LYPLAL1: variants seen among roughly 807,000 people sequenced by gnomAD.
LYPLAL1 encodes the protein lysophospholipase like 1.
LYPLAL1 carries 23 observed loss-of-function variants against 19.7 expected under a neutral mutation model. That is an observed-to-expected ratio of 1.17 (90% confidence interval 0.84 to 1.65). The LOEUF (loss-of-function observed/expected upper bound fraction) is 1.65, where lower values mean the gene tolerates loss of function less well. Among genes scored for constraint, LYPLAL1 ranks in the 40% most tolerant of loss-of-function variants. The pLI is 0.00. For missense variants in LYPLAL1, 355 were observed against 279.4 expected (o/e 1.27, Z -1.93); for synonymous variants, 119 against 96.3 (o/e 1.24, Z -1.38).
chr1:219,277,362 G>A, the LYPLAL1 span, among the ~76,000 whole-genome samples: 1 of 152,106 alleles, frequency 6.6e-6, no homozygotes, highest in African/African-American at 2.4e-5. Context: ...TTGTAAATGG[G>A]GTGTAGCTGA....
At chr1:219,276,180 A>G in the LYPLAL1 span, among the ~76,000 whole-genome samples, 1 of 152,198 alleles carries the variant, frequency 6.6e-6, no homozygotes, top group Non-Finnish European at 1.5e-5. Context: ...ACTTGAAGAA[A>G]AAAAAACATT....
chr1:219,428,933 A>C, the LYPLAL1 span, among the ~76,000 whole-genome samples: 1,790 of 103,772 alleles, frequency 0.017, 33 homozygotes, highest in African/African-American at 0.07. Context: ...CTGTGTAAAA[A>C]TTGTGTGTGC....
chr1:219,426,988 T>C, the LYPLAL1 span, among the ~76,000 whole-genome samples: 1 of 152,250 alleles, frequency 6.6e-6, no homozygotes, highest in South Asian at 2.1e-4. Context: ...GGAACAAAAC[T>C]GTGAATCAGA....
chr1:219,382,511 C>T, the LYPLAL1 span, among the ~76,000 whole-genome samples: 5 of 152,252 alleles, frequency 3.3e-5, no homozygotes, highest in African/African-American at 1.2e-4. Flanking sequence ...AGGCGCCCAC[C>T]ACTGCGCCCG....
chr1:219,387,044 A>C, the LYPLAL1 span, among the ~76,000 whole-genome samples: 1 of 152,134 alleles, frequency 6.6e-6, no homozygotes, highest in African/African-American at 2.4e-5. Flanking sequence ...TGTTATGATA[A>C]ATTTCCATAT....
chr1:219,263,040 G>T, the LYPLAL1 span, among the ~76,000 whole-genome samples: 1 of 152,134 alleles, frequency 6.6e-6, no homozygotes, highest in Non-Finnish European at 1.5e-5. Flanking sequence ...CCCTAAGTTG[G>T]ACAGGATAAG....
chr1:219,269,865 G>T, the LYPLAL1 span, among the ~76,000 whole-genome samples: 2 of 152,076 alleles, frequency 1.3e-5, no homozygotes, highest in African/African-American at 4.8e-5. Context: ...ATTTTACGTT[G>T]AAGAATGAAG....
the LYPLAL1 span, among the ~76,000 whole-genome samples, chr1:219,395,083 A>C: frequency 6.6e-6 from 1 of 152,222 alleles, no homozygotes; most frequent in Non-Finnish European, 1.5e-5. Flanking sequence ...TGCAGTGAAC[A>C]TATGTGTGCA....
intron 2 of LYPLAL1, among the ~76,000 whole-genome samples, chr1:219,190,694 A>G (rs1657105976): frequency 6.6e-6 from 1 of 150,998 alleles, no homozygotes; most frequent in South Asian, 2.1e-4. Flanking sequence ...ACTTGGAAGA[A>G]AATACCTGAA....
the LYPLAL1 span, among the ~76,000 whole-genome samples, chr1:219,320,803 G>A: frequency 1.3e-5 from 2 of 152,180 alleles, no homozygotes; most frequent in Non-Finnish European, 2.9e-5. Context: ...GTATTCCATT[G>A]TGTATATGTG....
the LYPLAL1 span, among the ~76,000 whole-genome samples, chr1:219,229,558 T>C: frequency 1.3e-5 from 2 of 152,198 alleles, no homozygotes; most frequent in Non-Finnish European, 2.9e-5. Flanking sequence ...TACAGAAATC[T>C]CTCTGTCCTA....
At chr1:219,350,383 G>A in the LYPLAL1 span, among the ~76,000 whole-genome samples, 1 of 152,132 alleles carries the variant, frequency 6.6e-6, no homozygotes, top group Admixed American at 6.5e-5. Flanking sequence ...TAATATCCGT[G>A]TAATGATGGG....
the LYPLAL1 span, among the ~76,000 whole-genome samples, chr1:219,221,130 T>G: frequency 6.6e-6 from 1 of 152,200 alleles, no homozygotes; most frequent in Non-Finnish European, 1.5e-5. Flanking sequence ...GCCAGAGCTG[T>G]GAGAACAGCC....
At chr1:219,319,448 A>G in the LYPLAL1 span, among the ~76,000 whole-genome samples, 1 of 152,152 alleles carries the variant, frequency 6.6e-6, no homozygotes, top group Non-Finnish European at 1.5e-5. Flanking sequence ...TGGAAATGCT[A>G]AAAGAAGCAC....
the LYPLAL1 span, among the ~76,000 whole-genome samples, chr1:219,351,254 C>G: frequency 1.3e-5 from 2 of 151,944 alleles, no homozygotes; most frequent in Admixed American, 6.6e-5. Flanking sequence ...CTCTCAGGAC[C>G]TTTTCATTTG....
chr1:219,359,233 C>T, the LYPLAL1 span, among the ~76,000 whole-genome samples: 1 of 152,112 alleles, frequency 6.6e-6, no homozygotes, highest in Non-Finnish European at 1.5e-5. Flanking sequence ...GTGTCACAGA[C>T]CATTTTAAAG....
the LYPLAL1 span, among the ~76,000 whole-genome samples, chr1:219,401,638 C>A: frequency 2.6e-5 from 4 of 151,928 alleles, no homozygotes; most frequent in South Asian, 6.2e-4. Flanking sequence ...AAATTCATAG[C>A]TTTTCAAACT....
chr1:219,209,630 T>C (rs1239340383), intron 3 of LYPLAL1, among the ~76,000 whole-genome samples: 2 of 152,162 alleles, frequency 1.3e-5, no homozygotes, highest in African/African-American at 2.4e-5. Context: ...TCTATGAGTG[T>C]GTGGCTACAT....
intron 3 of LYPLAL1, 83 bp from the exon 4 acceptor site, chr1:219,210,449 T>A: frequency 1.0e-6 from 1 of 992,010 alleles, no homozygotes; most frequent in South Asian, 1.8e-5. Context: ...TCCAGATATT[T>A]TAAAAATATG....
Sources: gnomAD v4.1 joint callset for allele counts (sites outside exome capture counted in the v4.1 genomes callset) on GRCh38, gnomAD v4.1.1 for gene constraint, MANE v1.5 for transcripts, NCBI Gene and HGNC (gene_info 2026-07-23, HGNC 2026-07-21) for gene names.